Variants in KCNG2 observed in about 807,000 individuals in gnomAD.
KCNG2 encodes the protein potassium voltage-gated channel modifier subfamily G member 2, also known as voltage-gated potassium channel regulatory subunit KCNG2.
In KCNG2, 7 loss-of-function variants were observed where a neutral mutation model predicts 12.3. That is an observed-to-expected ratio of 0.57 (90% CI 0.32 to 1.07). KCNG2 has a LOEUF of 1.07. KCNG2 is among the 50% of genes least tolerant of loss of function. The probability of loss-of-function intolerance (pLI) is 0.04; values close to 1 mark genes in which losing one functional copy is unlikely to be tolerated. For synonymous variants in KCNG2, 414 were observed against 351.4 expected (o/e 1.18, Z -1.99); for missense variants, 703 against 726.0 (o/e 0.97, Z 0.36).
intron 3 of KCNG2, among the ~76,000 whole-genome samples, 191 bp downstream of exon 3, chr18:79,864,482 G>A (rs2123069928): frequency 6.6e-6 from 1 of 152,286 alleles, no homozygotes; most frequent in South Asian, 2.1e-4. Flanking sequence ...GAGCGCCGCT[G>A]ATGGTGGTCT....
chr18:79,839,192 G>A (rs1978386938), intron 1 of KCNG2, among the ~76,000 whole-genome samples: 2 of 152,292 alleles, frequency 1.3e-5, no homozygotes, highest in East Asian at 3.9e-4. Context: ...AGCTACTTGG[G>A]AGGCTGAAGG....
intron 1 of KCNG2, among the ~76,000 whole-genome samples, chr18:79,835,188 C>T (rs1037619989): frequency 6.6e-6 from 1 of 152,164 alleles, no homozygotes. Context: ...GAGGTGTTGT[C>T]TCTCTCCCCC....
intron 1 of KCNG2, among the ~76,000 whole-genome samples, chr18:79,853,292 T>G (rs1978888800): frequency 6.6e-6 from 1 of 152,220 alleles, no homozygotes. Context: ...GGGCCTGGGC[T>G]TCAGCGTGAA....
chr18:79,846,579 T>C (rs1978638541), intron 1 of KCNG2, among the ~76,000 whole-genome samples: 1 of 152,236 alleles, frequency 6.6e-6, no homozygotes, highest in Admixed American at 6.5e-5. Flanking sequence ...AAATTATTTA[T>C]GTTTGGCTTT....
chr18:79,881,544 C>G lies in KCNG2; in HGVS notation c.624+17253C>G, dbSNP rs958861944. Among the ~76,000 whole-genome samples, 3 of 152,202 alleles carry G rather than the reference C, an allele frequency of 2.0e-5. No homozygotes were observed. The South Asian group carries it at 6.2e-4, about 31-fold the overall frequency. On this transcript the variant is annotated intron_variant, in intron 3 of 3. Coordinates refer to ENST00000316249, the MANE Select transcript of KCNG2 (RefSeq NM_012283.2). The stretch of plus-strand genomic sequence containing the variant: ...ATTGCTTACATGCAAGTCTCACAGC[C>G]TAGGTCCAGGATCCATCTACGTGCT...
At chr18:79,817,809 C>G (rs1229864853) in intron 1 of KCNG2, among the ~76,000 whole-genome samples, 2 of 152,214 alleles carry the variant, frequency 1.3e-5, no homozygotes, top group Non-Finnish European at 2.9e-5. Context: ...GTCGCCTTCC[C>G]CACTCACTCT....
intron 1 of KCNG2, among the ~76,000 whole-genome samples, chr18:79,834,388 G>A (rs1348323242): frequency 1.3e-5 from 2 of 152,204 alleles, no homozygotes; most frequent in Non-Finnish European, 2.9e-5. Context: ...ACATGCTTCT[G>A]ACACACACCC....
Position 79,884,921 on chromosome 18 carries a change from G to A in KCNG2, c.625-14119G>A, listed in dbSNP as rs922200267. Among the ~76,000 whole-genome samples the A allele has an allele frequency of 3.9e-5, 6 of 152,140 alleles. No homozygotes were observed. Among genetic ancestry groups the A allele is most frequent in the East Asian group, 1.9e-4 (1 of 5,170 alleles). ...TCCCTGAAACTGTGATAATGAGAGC[G>A]TCCTGACACCAGGGCTGGGAAGCCC... is the stretch of plus-strand genomic sequence containing the variant. On this transcript the variant is annotated intron_variant, in intron 3 of 3. Transcript: ENST00000316249. This position sits in a 1 kb window ranked among gnomAD's most constrained non-coding sequence, Gnocchi z 5.5.
At chr18:79,897,059 G>A (rs1414241615) in intron 3 of KCNG2, among the ~76,000 whole-genome samples, 1 of 152,146 alleles carries the variant, frequency 6.6e-6, no homozygotes, top group Non-Finnish European at 1.5e-5. Context: ...TCCACCTGCG[G>A]GCCTCTGTGT....
chr18:79,847,055 C>T (rs955467298), intron 1 of KCNG2, among the ~76,000 whole-genome samples: 3 of 152,240 alleles, frequency 2.0e-5, no homozygotes, highest in East Asian at 1.9e-4. Context: ...AGGCAGGCAG[C>T]GGCTGATGAA....
intron 1 of KCNG2, among the ~76,000 whole-genome samples, chr18:79,819,651 A>T (rs2087556635): frequency 6.6e-6 from 1 of 152,234 alleles, no homozygotes; most frequent in Non-Finnish European, 1.5e-5. Context: ...AGCAGGCTGC[A>T]ATAGAGGCCG....
chr18:79,815,870 C>T (rs982462652), intron 1 of KCNG2, among the ~76,000 whole-genome samples: 28 of 152,362 alleles, frequency 1.8e-4, no homozygotes, highest in Middle Eastern at 3.4e-3. Flanking sequence ...AGCTGAGCTG[C>T]ACTGCCACAG....
intron 2 of KCNG2, among the ~76,000 whole-genome samples, chr18:79,857,807 G>A (rs779030171): frequency 5.3e-5 from 8 of 151,308 alleles, no homozygotes; most frequent in Non-Finnish European, 1.0e-4. Flanking sequence ...CCATTTTTAT[G>A]TGCACGATTC....
intron 3 of KCNG2, among the ~76,000 whole-genome samples, chr18:79,868,842 C>T (rs1313137846): frequency 2.0e-5 from 3 of 152,248 alleles, no homozygotes; most frequent in Non-Finnish European, 2.9e-5. Context: ...TGCTGAGGGA[C>T]GGCAGTGGGA....
chr18:79,826,418 C>A (rs1352659620), intron 1 of KCNG2, among the ~76,000 whole-genome samples: 1 of 151,602 alleles, frequency 6.6e-6, no homozygotes, highest in African/African-American at 2.4e-5. Context: ...CACAACTGAG[C>A]GAGCAGCTCC....
rs536291454 is a variant in KCNG2 at position 79,854,628 on chromosome 18, G to A, written c.-114-1751G>A. Among the ~76,000 whole-genome samples the A allele has an allele frequency of 6.0e-5, 9 of 150,362 alleles. No homozygotes were observed. In the South Asian group the frequency reaches 1.5e-3, roughly 25 times the overall value. Reference sequence around the variant, plus strand: ...TGCAAGCTCCACCTCCCGGGTTCACGCATTCTCCTGCCTCAGCCTCCCGAG... The same window carrying A: ...TGCAAGCTCCACCTCCCGGGTTCACACATTCTCCTGCCTCAGCCTCCCGAG... On this transcript the variant is annotated intron_variant, in intron 1 of 3. Transcript: ENST00000316249.
At chr18:79,843,606 G>A (rs1334863179) in intron 1 of KCNG2, among the ~76,000 whole-genome samples, 1 of 152,108 alleles carries the variant, frequency 6.6e-6, no homozygotes, top group Non-Finnish European at 1.5e-5. Context: ...TGTGTGAGAA[G>A]AAAAAGTATA....
At chr18:79,831,530 G>A (rs1394704426) in intron 1 of KCNG2, among the ~76,000 whole-genome samples, 1 of 128,386 alleles carries the variant, frequency 7.8e-6, no homozygotes, top group African/African-American at 2.8e-5. Context: ...GGTTCCCTGC[G>A]GACAGAGCCT....
intron 3 of KCNG2, among the ~76,000 whole-genome samples, chr18:79,892,953 C>T (rs192360444): frequency 6.6e-6 from 1 of 150,978 alleles, no homozygotes; most frequent in Admixed American, 6.6e-5. Context: ...CCATTCACAT[C>T]TAATGTTACG....
Sources: allele counts gnomAD v4.1 joint callset (sites outside exome capture counted in the v4.1 genomes callset), GRCh38; gene constraint gnomAD v4.1.1; non-coding constraint Gnocchi (gnomAD v3.1); transcripts MANE v1.5; gene names NCBI Gene and HGNC (gene_info 2026-07-23, HGNC 2026-07-21).